Variants in SLCO2A1 observed in about 807,000 individuals in gnomAD.
SLCO2A1 encodes the protein solute carrier organic anion transporter family member 2A1.
A neutral mutation model predicts 71.7 loss-of-function variants in SLCO2A1; 60 were observed. That is an observed-to-expected ratio of 0.84 (90% CI 0.68 to 1.04). The LOEUF (loss-of-function observed/expected upper bound fraction) is 1.04, where lower values mean the gene tolerates loss of function less well. Among genes scored for constraint, SLCO2A1 ranks in the 50% least tolerant of loss-of-function variants. The pLI is 0.00. For missense variants in SLCO2A1, 745 were observed against 813.4 expected (o/e 0.92, Z 1.02); for synonymous variants, 308 against 326.7 (o/e 0.94, Z 0.62).
intron 1 of SLCO2A1, among the ~76,000 whole-genome samples, chr3:134,009,899 T>C (rs1212473529): frequency 6.6e-6 from 1 of 152,184 alleles, no homozygotes; most frequent in African/African-American, 2.4e-5. Flanking sequence ...TCCAGATCTG[T>C]CACTGTGGAA....
intron 1 of SLCO2A1, among the ~76,000 whole-genome samples, chr3:134,004,743 G>A (rs1322705976): frequency 6.6e-6 from 1 of 152,200 alleles, no homozygotes; most frequent in Non-Finnish European, 1.5e-5. Context: ...GGGGCCACAA[G>A]CCAAGGAATG....
rs1468831334 is a variant in SLCO2A1 at position 134,029,778 on chromosome 3, C to T, written c.25G>A (p.Ala9Thr). ...GTAGAGGTGTCGCTGCCCTGGGACG[C>T]GCCGAGCTTGGGCAGGAGCCCCATG... MGLLPKLG[A>T]SQGSDTSTSR... The change falls in exon 1 of 14, where the codon GCG becomes ACG. Residue 9 changes from alanine (A) to threonine (T), a missense_variant. Transcript: ENST00000310926. The T allele has an allele frequency of 1.3e-6, 2 of 1,549,174 alleles. No individual in the cohort carries two copies. Among genetic ancestry groups the T allele is most frequent in the Non-Finnish European group, 1.7e-6 (2 of 1,153,454 alleles).
intron 1 of SLCO2A1, among the ~76,000 whole-genome samples, chr3:134,025,497 T>C (rs1935684770): frequency 6.6e-6 from 1 of 152,094 alleles, no homozygotes; most frequent in Non-Finnish European, 1.5e-5. Flanking sequence ...ATCTTAAAAT[T>C]TGATGCCTGT....
intron 2 of SLCO2A1, 122 bp from the exon 3 acceptor site, chr3:133,973,947 T>C: frequency 1.0e-6 from 1 of 986,072 alleles, no homozygotes; most frequent in Non-Finnish European, 1.5e-6. Context: ...CAGTGTCAGC[T>C]GGGGCCCAGA....
At chr3:134,027,377 G>A (rs1372602273) in intron 1 of SLCO2A1, among the ~76,000 whole-genome samples, 3 of 152,200 alleles carry the variant, frequency 2.0e-5, no homozygotes, top group Non-Finnish European at 4.4e-5. Flanking sequence ...GTACAGAAAA[G>A]CACTGTGAAA....
intron 6 of SLCO2A1, 151 bp downstream of exon 6, chr3:133,951,057 A>C (rs371267950): frequency 2.0e-6 from 2 of 1,011,116 alleles, no homozygotes; most frequent in East Asian, 2.4e-5. Flanking sequence ...CACCTCTTAA[A>C]GCCTCTGGGA....
intron 2 of SLCO2A1, among the ~76,000 whole-genome samples, chr3:133,976,512 T>G (rs892410840): frequency 6.6e-5 from 10 of 152,188 alleles, no homozygotes; most frequent in Non-Finnish European, 1.2e-4. Flanking sequence ...GTGTTACAGC[T>G]AATGTTGGCT....
chr3:134,028,128 G>T (rs1935735932), intron 1 of SLCO2A1, among the ~76,000 whole-genome samples: 1 of 152,036 alleles, frequency 6.6e-6, no homozygotes, highest in South Asian at 2.1e-4. Flanking sequence ...AACCAGGGTG[G>T]GTCTAAACGG....
At chr3:133,950,719 C>A (rs1440843245) in intron 6 of SLCO2A1, among the ~76,000 whole-genome samples, 1 of 152,194 alleles carries the variant, frequency 6.6e-6, no homozygotes, top group Admixed American at 6.5e-5. Flanking sequence ...TTCCTTTCCC[C>A]AGCAGGCGTG....
chr3:134,029,526 T>TCACACACACACTCGCACACACACGCC (rs1935777773), intron 1 of SLCO2A1, among the ~76,000 whole-genome samples, 181 bp downstream of exon 1: 2 of 149,096 alleles, frequency 1.3e-5, no homozygotes, highest in Middle Eastern at 3.2e-3. Flanking sequence ...ACACACACGC[T>TCACACACACACTCGCACACACACGCC]CACACACACA....
intron 3 of SLCO2A1, among the ~76,000 whole-genome samples, chr3:133,955,612 A>G (rs1933881372): frequency 6.6e-6 from 1 of 152,078 alleles, no homozygotes; most frequent in African/African-American, 2.4e-5. Context: ...GGCCTCCAGC[A>G]CCCTGTGCTC....
chr3:133,957,500 T>C (rs946873272), intron 3 of SLCO2A1, among the ~76,000 whole-genome samples: 2 of 152,204 alleles, frequency 1.3e-5, no homozygotes, highest in Non-Finnish European at 2.9e-5. Flanking sequence ...TGCATGTGTC[T>C]GACTCAAAGT....
intron 3 of SLCO2A1, among the ~76,000 whole-genome samples, chr3:133,955,737 C>T (rs1361204895): frequency 6.6e-6 from 1 of 152,172 alleles, no homozygotes; most frequent in African/African-American, 2.4e-5. Flanking sequence ...ACTCCCAGGG[C>T]CTTTGCTTCT....
At position 133,948,528 on chromosome 3, in the gene SLCO2A1, G is replaced by A. The variant is rs375972142; in HGVS notation, c.1105+8C>T. On this transcript the variant is annotated splice_region_variant and intron_variant, in intron 8 of 13. Coordinates refer to ENST00000310926, the MANE Select transcript of SLCO2A1 (RefSeq NM_005630.3). ...CCCTGCGGATCCTGCAGCACCCTCT[G>A]GGCTCACCAATGAGGAAGTTGGCAT... The A allele has an allele frequency of 6.2e-7, 1 of 1,611,740 alleles. No homozygotes were observed. The highest frequency in any genetic ancestry group is 8.5e-7 in the Non-Finnish European group (1 of 1,178,890).
rs146938115 is a variant in SLCO2A1, at chr3:134,028,032, G to C, written c.96+1675C>G. Among the ~76,000 whole-genome samples the C allele has an allele frequency of 1.3e-4, 20 of 152,210 alleles. 1 individual carries two copies. The highest frequency in any genetic ancestry group is 4.1e-4 in the South Asian group (2 of 4,822). On this transcript the variant is annotated intron_variant, in intron 1 of 13. Coordinates refer to ENST00000310926, the MANE Select transcript of SLCO2A1 (RefSeq NM_005630.3). ...TGGCCTGAGCCCAGCCCTCAGGTAC[G>C]TGTGGTTAAATCATCAACACATGAG...
chr3:133,954,880 A>T, intron 4 of SLCO2A1, 86 bp downstream of exon 4: 1 of 1,052,672 alleles, frequency 9.5e-7, no homozygotes, highest in Non-Finnish European at 1.4e-6. Context: ...AGAGGGTGGG[A>T]CCTCAGTTTA....
intron 1 of SLCO2A1, among the ~76,000 whole-genome samples, chr3:134,016,458 A>G (rs552490035): frequency 6.6e-6 from 1 of 152,240 alleles, no homozygotes; most frequent in African/African-American, 2.4e-5. Context: ...GCCATTAGGG[A>G]AATGCAAAAC....
At chr3:134,009,304 T>C (rs1490264902) in intron 1 of SLCO2A1, among the ~76,000 whole-genome samples, 3 of 152,340 alleles carry the variant, frequency 2.0e-5, no homozygotes, top group South Asian at 4.1e-4. Context: ...ATTTGGATCA[T>C]CTCTACATGT....
At chr3:133,965,763 G>T (rs1010388249) in intron 3 of SLCO2A1, among the ~76,000 whole-genome samples, 1 of 77,810 alleles carries the variant, frequency 1.3e-5, no homozygotes, top group South Asian at 4.5e-4. Flanking sequence ...TGACAGCACC[G>T]CACTGGGCCC....
Sources: allele counts gnomAD v4.1 joint callset (sites outside exome capture counted in the v4.1 genomes callset), GRCh38; gene constraint gnomAD v4.1.1; transcripts MANE v1.5; gene names NCBI Gene and HGNC (gene_info 2026-07-23, HGNC 2026-07-21).